Variants in FILIP1L observed in about 807,000 individuals in gnomAD.
FILIP1L encodes the protein filamin A-interacting protein 1-like.
FILIP1L carries 55 observed loss-of-function variants against 96.6 expected under a neutral mutation model. The ratio of observed to expected loss-of-function variants is 0.57; its 90% CI spans 0.46 to 0.71. The LOEUF (loss-of-function observed/expected upper bound fraction) is 0.71, where lower values mean the gene tolerates loss of function less well. FILIP1L is among the 30% of genes least tolerant of loss of function. The pLI, the probability that FILIP1L is intolerant of heterozygous loss-of-function variation, is 0.00. For synonymous variants in FILIP1L, 467 were observed against 473.9 expected, an observed-to-expected ratio of 0.99 and a Z score of 0.19; for missense variants, 1,304 against 1,321.2, an observed-to-expected ratio of 0.99 and a Z score of 0.20.
intron 1 of FILIP1L, among the ~76,000 whole-genome samples, chr3:99,994,245 A>G (rs1709606739): frequency 6.6e-6 from 1 of 152,224 alleles, no homozygotes; most frequent in Admixed American, 6.5e-5. Flanking sequence ...AACAAAGATT[A>G]CTAGACCTAA....
chr3:100,109,893 T>A (rs2066458999), intron 1 of FILIP1L: 2 of 148,394 alleles, frequency 1.3e-5, no homozygotes, highest in Admixed American at 1.3e-4. Flanking sequence ...CTGCAAATGT[T>A]TCTTTTATGA....
At chr3:99,996,981 A>G (rs1415405582) in intron 1 of FILIP1L, among the ~76,000 whole-genome samples, 2 of 152,208 alleles carry the variant, frequency 1.3e-5, no homozygotes, top group African/African-American at 2.4e-5. Context: ...GCCTTAACCT[A>G]TGGTATACAG....
chr3:99,871,898 G>C (rs146307532), intron 4 of FILIP1L, among the ~76,000 whole-genome samples: 218 of 151,938 alleles, frequency 1.4e-3, no homozygotes, highest in Non-Finnish European at 2.6e-3. Flanking sequence ...TTCTGTTGTT[G>C]TAGCCTGATT....
intron 1 of FILIP1L, among the ~76,000 whole-genome samples, chr3:100,026,382 CA>C (rs1391737355): frequency 1.3e-5 from 2 of 151,832 alleles, no homozygotes; most frequent in Non-Finnish European, 2.9e-5. Context: ...GAAGGCCAGA[CA>C]TAAAACAAGG....
At chr3:99,968,709 A>AG (rs1176280975) in intron 1 of FILIP1L, among the ~76,000 whole-genome samples, 1 of 152,204 alleles carries the variant, frequency 6.6e-6, no homozygotes, top group Non-Finnish European at 1.5e-5. Flanking sequence ...AAAGGAAAAA[A>AG]CAGAGAAATA....
intron 1 of FILIP1L, among the ~76,000 whole-genome samples, chr3:100,014,884 TTTCTTTC>T: frequency 8.0e-6 from 1 of 125,640 alleles, no homozygotes; most frequent in African/African-American, 2.8e-5. Context: ...CTTTTTTTTT[TTTCTTTC>T]TTTCTTTTTT....
intron 1 of FILIP1L, among the ~76,000 whole-genome samples, chr3:99,975,099 A>G (rs1445421953): frequency 6.6e-6 from 1 of 152,180 alleles, no homozygotes; most frequent in Non-Finnish European, 1.5e-5. Context: ...TATCTAGATT[A>G]AGCCCAGTGA....
At chr3:100,011,029 C>G (rs1038734029) in intron 1 of FILIP1L, among the ~76,000 whole-genome samples, 4 of 152,048 alleles carry the variant, frequency 2.6e-5, no homozygotes, top group Non-Finnish European at 5.9e-5. Context: ...TTAGGAAGTA[C>G]AAACCCAGGA....
At chr3:99,862,631 G>A (rs1944319020) in intron 4 of FILIP1L, among the ~76,000 whole-genome samples, 1 of 152,194 alleles carries the variant, frequency 6.6e-6, no homozygotes, top group South Asian at 2.1e-4. Context: ...ACTACTGAAT[G>A]TCTCCAGACA....
chr3:99,845,600 A>G (rs1226159596), intron 5 of FILIP1L, among the ~76,000 whole-genome samples: 3 of 152,124 alleles, frequency 2.0e-5, no homozygotes, highest in African/African-American at 7.2e-5. Context: ...AAGTTCTGTA[A>G]TCTTCCAATC....
rs1164106310 is a variant in FILIP1L at position 99,978,571 on chromosome 3, G to C, written c.-10-47541C>G. Among the ~76,000 whole-genome samples, 3 of 152,204 alleles carry C rather than the reference G, an allele frequency of 2.0e-5. No homozygotes were observed. The South Asian group carries it at 6.2e-4, about 31-fold the overall frequency. On this transcript the variant is annotated intron_variant, in intron 1 of 5. Transcript: ENST00000477258. The stretch of plus-strand genomic sequence containing the variant: ...ACACACCACATATTCTCATTCATAT[G>C]TGGAAGCTAAAAAAGTCGATCTCAT...
chr3:99,889,792 A>G (rs1230145370), intron 4 of FILIP1L, among the ~76,000 whole-genome samples: 3 of 152,058 alleles, frequency 2.0e-5, no homozygotes, highest in Admixed American at 2.0e-4. Context: ...TACTCAGTAT[A>G]TTAATCCTCC....
intron 1 of FILIP1L, among the ~76,000 whole-genome samples, chr3:99,962,924 A>G (rs763228271): frequency 6.6e-5 from 10 of 152,210 alleles, no homozygotes; most frequent in Non-Finnish European, 1.5e-4. Flanking sequence ...TTCATGGCCG[A>G]GATAAATAAA....
chr3:99,965,424 A>T (rs766125963), intron 1 of FILIP1L, among the ~76,000 whole-genome samples: 1 of 152,214 alleles, frequency 6.6e-6, no homozygotes, highest in Non-Finnish European at 1.5e-5. Flanking sequence ...CTGTGGATGT[A>T]CCAGCATGTT....
intron 1 of FILIP1L, among the ~76,000 whole-genome samples, chr3:99,950,749 T>C (rs917062964): frequency 4.6e-5 from 7 of 152,226 alleles, no homozygotes; most frequent in Non-Finnish European, 8.8e-5. Flanking sequence ...TTCTTTGTTA[T>C]GTTTTCCTTT....
At chr3:100,040,576 A>G (rs147008964) in intron 1 of FILIP1L, 2 of 152,184 alleles carry the variant, frequency 1.3e-5, no homozygotes, top group Non-Finnish European at 2.9e-5. Flanking sequence ...GCACATCTAG[A>G]TGATTAATAG....
At chr3:99,892,814 C>T (rs1045797918) in intron 4 of FILIP1L, among the ~76,000 whole-genome samples, 1 of 152,212 alleles carries the variant, frequency 6.6e-6, no homozygotes, top group Non-Finnish European at 1.5e-5. Flanking sequence ...ATAAATCAAT[C>T]AGATTTTATC....
Position 99,887,007 on chromosome 3 carries a change from C to T in FILIP1L, c.606-35937G>A, listed in dbSNP as rs997142307. Among the ~76,000 whole-genome samples, 4 of 150,356 alleles carry T rather than the reference C, an allele frequency of 2.7e-5. 1 individual carries two copies. In the South Asian group the frequency reaches 6.3e-4, roughly 24 times the overall value. ...AAAGTACTGGCCGGGTGTGGTGGCT[C>T]ATGCCTGTAATCCCAGCACTTTGAG... On this transcript the variant is annotated intron_variant, in intron 4 of 5. Transcript: ENST00000477258.
Position 99,884,514 on chromosome 3 carries a change from T to G in FILIP1L, c.606-33444A>C, listed in dbSNP as rs1705830701. ...AGGGAAAGGAATTGCTGTTATTTAT[T>G]AAGAGCCTACTGTCTGTCAGTCACT... On this transcript the variant is annotated intron_variant, in intron 4 of 5. Coordinates refer to ENST00000477258, the MANE Select transcript of FILIP1L (RefSeq NM_001387850.1). Among the ~76,000 whole-genome samples, 10 of 152,174 alleles carry G rather than the reference T, an allele frequency of 6.6e-5. No homozygotes were observed. In the South Asian group the frequency reaches 2.1e-3, roughly 32 times the overall value.
Sources: gnomAD v4.1 joint callset for allele counts (sites outside exome capture counted in the v4.1 genomes callset) on GRCh38, gnomAD v4.1.1 for gene constraint, MANE v1.5 for transcripts, NCBI Gene and HGNC (gene_info 2026-07-23, HGNC 2026-07-21) for gene names.